Variants in IPO13 observed in about 807,000 individuals in gnomAD.
IPO13 encodes importin 13, also known as importin-13.
IPO13 carries 28 observed loss-of-function variants against 115.5 expected under a neutral mutation model. That is an observed-to-expected ratio of 0.24 (90% CI 0.18 to 0.33). IPO13 has a LOEUF of 0.33. IPO13 is among the 10% of genes least tolerant of loss of function. IPO13 has a pLI of 1.00. For synonymous variants in IPO13, 414 were observed against 478.9 expected (o/e 0.86, Z 1.77); for missense variants, 785 against 1,204.6 (o/e 0.65, Z 5.16).
chr1:43,966,781 T>C lies in IPO13; in HGVS notation c.2522T>C (p.Phe841Ser). The change falls in exon 17 of 20, where the codon TTT (phenylalanine) becomes TCT (serine). Residue 841 changes from phenylalanine (F) to serine (S), a missense_variant and splice_region_variant. Phe to Ser is a radical substitution (Grantham distance 155, BLOSUM62 -2). Transcript: ENST00000372343. This position sits in a 1 kb window ranked among gnomAD's most constrained non-coding sequence, Gnocchi z 4.1. ...ACTGTCAAGGCCTCCTGTGGCTTCT[T>C]TGTGAGTCCCATGCTGAACCCTGAC... ...APTVKASCGF[F>S]TELLPRCGEV... 2 of 1,614,024 alleles carry C rather than the reference T, an allele frequency of 1.2e-6. No homozygotes were observed. The highest frequency in any genetic ancestry group is 1.7e-6 in the Non-Finnish European group (2 of 1,179,980).
Position 43,964,262 on chromosome 1 carries a change from A to G in IPO13, c.2345-7A>G, listed in dbSNP as rs1484018091. 1.3e-6 allele frequency: 2 copies of G among 1,599,176 alleles called. No individual in the cohort carries two copies. Among genetic ancestry groups the G allele is most frequent in the Non-Finnish European group, 1.7e-6 (2 of 1,168,046 alleles). On this transcript the variant is annotated splice_region_variant and splice_polypyrimidine_tract_variant and intron_variant, in intron 14 of 19. Transcript: ENST00000372343. ...TTTTCTTAAGTTCCATCTTTATTAT[A>G]TTTTAGGGCCCAGGGATCATCCTGA...
Position 43,958,242 on chromosome 1 carries a change from G to T in IPO13, c.1723G>T (p.Asp575Tyr). ...CTACATTCCTTCTTTCTCCCCTCAG[G>T]ATGTGCTGATGAAACAGATCCACAA... ...YAANIVAVSQ[D>Y]VLMKQIHKTS... The change falls in exon 9 of 20, where the codon GAT (aspartate) becomes TAT (tyrosine). Residue 575 changes from aspartate (D) to tyrosine (Y), a missense_variant and splice_region_variant. Coordinates refer to ENST00000372343, the MANE Select transcript of IPO13 (RefSeq NM_014652.4). This position sits in a 1 kb window ranked among gnomAD's most constrained non-coding sequence, Gnocchi z 6.3. 1 of 1,614,186 alleles carries T rather than the reference G, an allele frequency of 6.2e-7. No homozygotes were observed. Among genetic ancestry groups the T allele is most frequent in the Non-Finnish European group, 8.5e-7 (1 of 1,180,030 alleles).
rs1210277236 is a variant in IPO13, at chr1:43,947,256, C to T, written c.-345C>T. ...CCTGTGACCCCTCAAGAGCCAGGGA[C>T]TCGGTTTCCCCCGCAGGCCTCCCTC... On this transcript the variant is annotated 5_prime_UTR_variant, in exon 1 of 20. Coordinates refer to ENST00000372343, the MANE Select transcript of IPO13 (RefSeq NM_014652.4). 14 of 398,950 alleles carry T rather than the reference C, an allele frequency of 3.5e-5. No homozygotes were observed. The highest frequency in any genetic ancestry group is 5.3e-5 in the Non-Finnish European group (12 of 226,348). 24.7% of individuals were successfully genotyped at this position (398,950 alleles called of 1,614,324 possible).
At chr1:43,954,564 C>T (rs2085231410) in intron 2 of IPO13, among the ~76,000 whole-genome samples, 1 of 152,188 alleles carries the variant, frequency 6.6e-6, no homozygotes, top group South Asian at 2.1e-4. Flanking sequence ...TCCCAAGCAT[C>T]TGATCCCCGC....
At position 43,956,297 on chromosome 1, in the gene IPO13, A is replaced by G. The variant is rs1316609606; in HGVS notation, c.822-23A>G. 1 of 1,613,360 alleles carries G rather than the reference A, an allele frequency of 6.2e-7. No individual in the cohort carries two copies. Among genetic ancestry groups the G allele is most frequent in the Non-Finnish European group, 8.5e-7 (1 of 1,179,704 alleles). On this transcript the variant is annotated intron_variant, in intron 2 of 19. Transcript: ENST00000372343. This position sits in a 1 kb window ranked among gnomAD's most constrained non-coding sequence, Gnocchi z 4.7. Reference sequence around the variant, plus strand: ...GGGGTTGAGCAGAGAGCTCTGATGGATTTTCTCACCTCATGCCTCTAGGTA... The same window carrying G: ...GGGGTTGAGCAGAGAGCTCTGATGGGTTTTCTCACCTCATGCCTCTAGGTA...
rs5773817 is a variant in IPO13 at position 43,956,005 on chromosome 1, CA to C, written c.822-293del. ...TGGGTAACACAGCAAAACCCCATCT[CA>C]AAAAAAAAAAAAAAAAAAAAATCTT... is the stretch of plus-strand genomic sequence containing the variant. On this transcript the variant is annotated intron_variant, in intron 2 of 19. Coordinates refer to ENST00000372343, the MANE Select transcript of IPO13 (RefSeq NM_014652.4). This position sits in a 1 kb window ranked among gnomAD's most constrained non-coding sequence, Gnocchi z 4.7. 0.039 allele frequency among the ~76,000 whole-genome samples: 4,489 copies of C among 113,772 alleles called. 119 individuals are homozygous for C. Among genetic ancestry groups the C allele is most frequent in the African/African-American group, 0.091 (2,487 of 27,450 alleles). 74.6% of individuals were successfully genotyped at this position (113,772 alleles called of 152,430 possible).
In IPO13 at chr1:43,967,118, T is replaced by G; in HGVS notation, c.2613+99T>G. 2 of 1,218,560 alleles carry G rather than the reference T, an allele frequency of 1.6e-6. No homozygotes were observed. Among genetic ancestry groups the G allele is most frequent in the African/African-American group, 1.5e-5 (1 of 66,832 alleles). The allele number at this position is 1,218,560 out of a possible 1,614,324, so 75.5% of individuals were successfully genotyped here. On this transcript the variant is annotated intron_variant, in intron 18 of 19. Coordinates refer to ENST00000372343, the MANE Select transcript of IPO13 (RefSeq NM_014652.4). The surrounding 1 kb of genome is among the most constrained non-coding windows in gnomAD (Gnocchi z 6.1). ...CTTGAGCCTTTGGTCCCCTAAGCTC[T>G]CAGATTCTGTTTCTTCTTCAATTAA...
At position 43,956,317 on chromosome 1, in the gene IPO13, T is replaced by C; in HGVS notation, c.822-3T>C. 2 of 1,614,180 alleles carry C rather than the reference T, an allele frequency of 1.2e-6. No homozygotes were observed. The highest frequency in any genetic ancestry group is 1.7e-6 in the Non-Finnish European group (2 of 1,180,018). On this transcript the variant is annotated splice_region_variant and splice_polypyrimidine_tract_variant and intron_variant, in intron 2 of 19. Transcript: ENST00000372343. This position sits in a 1 kb window ranked among gnomAD's most constrained non-coding sequence, Gnocchi z 4.7. Reference sequence around the variant, plus strand: ...GATGGATTTTCTCACCTCATGCCTCTAGGTACGTGAACACACTCCTGAAAC... The same window carrying C: ...GATGGATTTTCTCACCTCATGCCTCCAGGTACGTGAACACACTCCTGAAAC...
In IPO13 at chr1:43,960,880, T is replaced by G; in HGVS notation, c.2114T>G (p.Val705Gly). 1 of 1,614,134 alleles carries G rather than the reference T, an allele frequency of 6.2e-7. No homozygotes were observed. Among genetic ancestry groups the G allele is most frequent in the Non-Finnish European group, 8.5e-7 (1 of 1,180,028 alleles). ...WLNDAQVVEA[V>G]CAIFEKSVKT... ...CCCCTTTGCTTTCTTCCCAAGGCGG[T>G]GTGCGCTATCTTTGAGAAGTCTGTT... The change falls in exon 13 of 20, where the codon GTG becomes GGG. Residue 705 changes from valine (V) to glycine (G), a missense_variant. Around this residue, in one of 3 missense-constraint regions of IPO13, gnomAD observed 285 missense variants for 394.8 expected, o/e 0.72. Coordinates refer to ENST00000372343, the MANE Select transcript of IPO13 (RefSeq NM_014652.4).
intron 7 of IPO13, 123 bp downstream of exon 7, chr1:43,957,672 G>A (rs2085260727): frequency 1.6e-6 from 2 of 1,224,242 alleles, no homozygotes; most frequent in South Asian, 2.8e-5. Flanking sequence ...AATCAGTGTT[G>A]TAACAAACTG....
chr1:43,960,265 A>G lies in IPO13; in HGVS notation c.2045A>G (p.Gln682Arg), dbSNP rs1557633876. The G allele has an allele frequency of 6.2e-7, 1 of 1,614,148 alleles. No homozygotes were observed. Among genetic ancestry groups the G allele is most frequent in the Non-Finnish European group, 8.5e-7 (1 of 1,180,010 alleles). ...TGCCTTCAGGTGGTGGTGGTGCTGC[A>G]GCAGGTCTTCCAGCTTATCCAGAAG... ...QGPNPVVVVL[Q>R]QVFQLIQKVL... The change falls in exon 12 of 20, where the codon CAG (glutamine) becomes CGG (arginine). Residue 682 changes from glutamine (Q) to arginine (R), a missense_variant. Physicochemically the swap from Gln to Arg is conservative, Grantham distance 43 (BLOSUM62 1). This residue lies in a region of IPO13 where 285 missense variants were observed against 394.8 expected (regional missense o/e 0.72). Coordinates refer to ENST00000372343, the MANE Select transcript of IPO13 (RefSeq NM_014652.4).
chr1:43,948,075 T>C (rs1394489157), intron 1 of IPO13, among the ~76,000 whole-genome samples: 1 of 152,238 alleles, frequency 6.6e-6, no homozygotes, highest in Non-Finnish European at 1.5e-5. Flanking sequence ...CCTGGTTTTG[T>C]TGAGCCAAGG....
chr1:43,964,201 A>G, intron 14 of IPO13, 68 bp from the exon 15 acceptor site: 2 of 1,101,084 alleles, frequency 1.8e-6, no homozygotes, highest in Non-Finnish European at 2.8e-6. Context: ...TCAGTCCCAC[A>G]TAACTATATG....
Position 43,966,823 on chromosome 1 carries a change from GCCCTC to G in IPO13, c.2523+46_2523+50del, listed in dbSNP as rs770198445. ...AACCCTGACCCACTGCCACCCCAGT[GCCCTC>G]CCCTGCCCAGGACTTCAGACAGTAG... On this transcript the variant is annotated intron_variant, in intron 17 of 19. Coordinates refer to ENST00000372343, the MANE Select transcript of IPO13 (RefSeq NM_014652.4). This position sits in a 1 kb window ranked among gnomAD's most constrained non-coding sequence, Gnocchi z 4.1. The G allele has an allele frequency of 1.2e-6, 2 of 1,611,104 alleles. No individual in the cohort carries two copies. The highest frequency in any genetic ancestry group is 1.7e-6 in the Non-Finnish European group (2 of 1,177,422).
In IPO13 at chr1:43,958,931, A is replaced by C. The variant is rs751978296; in HGVS notation, c.2028+42A>C. ...CACGGCAAAGACATTTGTCTTTGCC[A>C]TCCCCCCAACCCCCACCTGTGGGAA... On this transcript the variant is annotated intron_variant, in intron 11 of 19. Coordinates refer to ENST00000372343, the MANE Select transcript of IPO13 (RefSeq NM_014652.4). The surrounding 1 kb of genome is among the most constrained non-coding windows in gnomAD (Gnocchi z 6.3). The C allele has an allele frequency of 1.5e-5, 24 of 1,590,522 alleles. No individual in the cohort carries two copies. The highest frequency in any genetic ancestry group is 2.0e-5 in the Non-Finnish European group (23 of 1,160,722).
At chr1:43,961,609 G>A (rs1012250362) in intron 14 of IPO13, among the ~76,000 whole-genome samples, 2 of 152,268 alleles carry the variant, frequency 1.3e-5, no homozygotes, top group Admixed American at 6.5e-5. Flanking sequence ...AAGAGCACGG[G>A]CTTTTGAAGT....
In IPO13 at chr1:43,956,399, G is replaced by A. The variant is rs1557632190; in HGVS notation, c.901G>A (p.Asp301Asn). 2 of 1,614,198 alleles carry A rather than the reference G, an allele frequency of 1.2e-6. No individual in the cohort carries two copies. The highest frequency in any genetic ancestry group is 1.7e-6 in the Non-Finnish European group (2 of 1,180,036). Reference protein sequence around the residue: ...EQLRQAVQNGDMETSHGICRI... With the variant: ...EQLRQAVQNGNMETSHGICRI... ...ACTGCGGCAGGCAGTGCAGAATGGG[G>A]ACATGGAGACCTCCCATGGCATCTG... Residue 301 changes from aspartate (D) to asparagine (N), a missense_variant, in exon 3 of 20, where the codon GAC (aspartate) becomes AAC (asparagine). Around this residue, in one of 3 missense-constraint regions of IPO13, gnomAD observed 325 missense variants for 449.8 expected, o/e 0.72. Coordinates refer to ENST00000372343, the MANE Select transcript of IPO13 (RefSeq NM_014652.4). The surrounding 1 kb of genome is among the most constrained non-coding windows in gnomAD (Gnocchi z 4.7).
Position 43,961,261 on chromosome 1 carries a change from A to T in IPO13, c.2343A>T (p.Gln781His), listed in dbSNP as rs749663459. 5.6e-6 allele frequency: 9 copies of T among 1,612,108 alleles called. No homozygotes were observed. In the South Asian group the frequency reaches 9.9e-5, roughly 18 times the overall value. The change falls in exon 14 of 20, where the codon CAA becomes CAT. Residue 781 changes from glutamine to histidine, a missense_variant and splice_region_variant. Physicochemically the swap from Gln to His is conservative, Grantham distance 24. Around this residue, in one of 3 missense-constraint regions of IPO13, gnomAD observed 285 missense variants for 394.8 expected, o/e 0.72. Transcript: ENST00000372343. ...VTSVTLTLFQQGPRDHPDIVD... is the reference protein window; with the variant it reads ...VTSVTLTLFQHGPRDHPDIVD... ...CCGTCACACTCACTCTCTTCCAGCA[A>T]GGTAGGTCCTGACCGGGGTCTCTGC...
chr1:43,956,732 G>A lies in IPO13; in HGVS notation c.1104+31G>A. On this transcript the variant is annotated intron_variant, in intron 4 of 19. Coordinates refer to ENST00000372343, the MANE Select transcript of IPO13 (RefSeq NM_014652.4). The surrounding 1 kb of genome is among the most constrained non-coding windows in gnomAD (Gnocchi z 4.7). Reference sequence around the variant, plus strand: ...TCTGTGTGACCTCCAGTAGGACTGGGCTGTGGTGGAAGAAGGTGGATCATG... The same window carrying A: ...TCTGTGTGACCTCCAGTAGGACTGGACTGTGGTGGAAGAAGGTGGATCATG... 6.2e-7 allele frequency: 1 copy of A among 1,614,092 alleles called. No homozygotes were observed. The highest frequency in any genetic ancestry group is 1.7e-5 in the Admixed American group (1 of 60,024).
Sources: gnomAD v4.1 joint callset for allele counts (sites outside exome capture counted in the v4.1 genomes callset) on GRCh38, gnomAD v4.1.1 for gene constraint, gnomAD v4.1.1 regional missense constraint, Gnocchi (gnomAD v3.1) non-coding constraint, MANE v1.5 for transcripts, NCBI Gene and HGNC (gene_info 2026-07-23, HGNC 2026-07-21) for gene names.